ADD2: variants seen among roughly 807,000 people sequenced by gnomAD.
ADD2 encodes the protein beta-adducin.
Under a neutral mutation model 83.0 loss-of-function variants are expected in ADD2, and 23 were observed. The ratio of observed to expected loss-of-function variants is 0.28; its 90% CI spans 0.20 to 0.39. ADD2 has a LOEUF of 0.39. Ranked by LOEUF, ADD2 falls within the 10% of genes least tolerant of loss-of-function variation. The probability of loss-of-function intolerance (pLI) is 1.00; values close to 1 mark genes in which losing one functional copy is unlikely to be tolerated. For missense variants in ADD2, 758 were observed against 944.9 expected, an observed-to-expected ratio of 0.80 and a Z score of 2.59; for synonymous variants, 375 against 375.4, an observed-to-expected ratio of 1.00 and a Z score of 0.01.
chr2:70,668,372 G>T (rs1284999022), intron 15 of ADD2, among the ~76,000 whole-genome samples: 1 of 152,092 alleles, frequency 6.6e-6, no homozygotes, highest in Non-Finnish European at 1.5e-5. Context: ...CCTATCCAAG[G>T]TCTGGCTCAA....
rs1225213615 is a variant in ADD2 at position 70,768,025 on chromosome 2, C to T, written c.-293G>A. 3 of 1,500,574 alleles carry T rather than the reference C, an allele frequency of 2.0e-6. No individual in the cohort carries two copies. Among genetic ancestry groups the T allele is most frequent in the Admixed American group, 2.0e-5 (1 of 49,492 alleles). The allele number at this position is 1,500,574 out of a possible 1,614,324, so 93.0% of individuals were successfully genotyped here. A position where few individuals can be genotyped will look rare whatever the true frequency, so the allele number is the denominator to read the frequency against. Reference sequence around the variant, plus strand: ...AGCGTTTTCTGCCCATGCTGCAGCCCGCGCTCGTCAGAGCTGCTGGGAGAT... The same window carrying T: ...AGCGTTTTCTGCCCATGCTGCAGCCTGCGCTCGTCAGAGCTGCTGGGAGAT... On this transcript the variant is annotated 5_prime_UTR_variant, in exon 1 of 16. Coordinates refer to ENST00000264436, the MANE Select transcript of ADD2 (RefSeq NM_001617.4).
intron 1 of ADD2, among the ~76,000 whole-genome samples, chr2:70,728,579 CTG>C (rs1299878523): frequency 1.3e-5 from 2 of 152,202 alleles, no homozygotes; most frequent in Non-Finnish European, 2.9e-5. Context: ...GAAAAAGGTG[CTG>C]TGTGTGAAAA....
In ADD2 at chr2:70,729,508, T is replaced by C. The variant is rs3771429; in HGVS notation, c.-153-16324A>G. Among the ~76,000 whole-genome samples, 868 of 152,056 alleles carry C rather than the reference T, an allele frequency of 5.7e-3. 6 individuals are homozygous for C. Among genetic ancestry groups the C allele is most frequent in the African/African-American group, 0.02 (814 of 41,478 alleles). On this transcript the variant is annotated intron_variant, in intron 1 of 15. Transcript: ENST00000264436. ...CCTCTTCCCCACCCCTTCATTGAAC[T>C]TATGAAGAAACCAAGGCCAAGAGTG...
intron 1 of ADD2, among the ~76,000 whole-genome samples, chr2:70,722,003 G>A (rs1312536998): frequency 6.6e-6 from 1 of 151,888 alleles, no homozygotes; most frequent in Non-Finnish European, 1.5e-5. Flanking sequence ...GAGGAAGGAG[G>A]GAATGAAAAA....
At chr2:70,663,864 G>A (rs1307140999) in intron 15 of ADD2, 129 bp from the exon 16 acceptor site, 1 of 962,908 alleles carries the variant, frequency 1.0e-6, no homozygotes. Context: ...CCAGCCTGAT[G>A]TTGAGGGATG....
At chr2:70,669,784 T>G (rs1669826279) in intron 15 of ADD2, among the ~76,000 whole-genome samples, 1 of 152,166 alleles carries the variant, frequency 6.6e-6, no homozygotes, top group African/African-American at 2.4e-5. Context: ...CCACCATGTA[T>G]AAAGTCCAAC....
chr2:70,674,424 C>G (rs1220421770), intron 14 of ADD2, among the ~76,000 whole-genome samples: 1 of 152,154 alleles, frequency 6.6e-6, no homozygotes, highest in Non-Finnish European at 1.5e-5. Flanking sequence ...CTGGCCTAAG[C>G]CATATTTGTA....
In ADD2 at chr2:70,683,574, A is replaced by C; in HGVS notation, c.1125+17T>G. On this transcript the variant is annotated intron_variant, in intron 10 of 15. Coordinates refer to ENST00000264436, the MANE Select transcript of ADD2 (RefSeq NM_001617.4). ...CCTCAATGGACTGGCCTGGAAGGGCAATGGCAGGAGACTCACCAGGTTGTC... is the reference window on the plus strand; with the variant it reads ...CCTCAATGGACTGGCCTGGAAGGGCCATGGCAGGAGACTCACCAGGTTGTC... 1 of 1,602,756 alleles carries C rather than the reference A, an allele frequency of 6.2e-7. No homozygotes were observed. Among genetic ancestry groups the C allele is most frequent in the Non-Finnish European group, 8.5e-7 (1 of 1,171,132 alleles).
At chr2:70,742,884 G>A (rs1309614027) in intron 1 of ADD2, among the ~76,000 whole-genome samples, 1 of 152,118 alleles carries the variant, frequency 6.6e-6, no homozygotes, top group Non-Finnish European at 1.5e-5. Flanking sequence ...TTTAAGTTAT[G>A]TGATATTTAA....
Position 70,663,677 on chromosome 2 carries a change from C to A in ADD2, c.1929G>T (p.Gln643His). The stretch of plus-strand genomic sequence containing the variant: ...TCCCGTTGACCACCACCCCTTCCGG[C>A]TGGGTTGTTTCGGGCTCTGTGGTGG... ...KAATTEPETTQPEGVVVNGRE... is the reference protein window; with the variant it reads ...KAATTEPETTHPEGVVVNGRE... Residue 643 changes from glutamine (Q) to histidine (H), a missense_variant, in exon 16 of 16, where the codon CAG becomes CAT. Gln to His is a conservative substitution (Grantham distance 24, BLOSUM62 0). Around this residue, in one of 5 missense-constraint regions of ADD2, gnomAD observed 165 missense variants for 176.2 expected, o/e 0.94. Transcript: ENST00000264436. 1.2e-6 allele frequency: 2 copies of A among 1,614,146 alleles called. No individual in the cohort carries two copies. Among genetic ancestry groups the A allele is most frequent in the Non-Finnish European group, 8.5e-7 (1 of 1,180,038 alleles).
intron 7 of ADD2, among the ~76,000 whole-genome samples, chr2:70,691,998 G>A (rs1371687872): frequency 2.0e-5 from 3 of 152,274 alleles, no homozygotes; most frequent in Non-Finnish European, 2.9e-5. Flanking sequence ...TGCTTGCTCC[G>A]TCCCCTACTC....
intron 1 of ADD2, among the ~76,000 whole-genome samples, chr2:70,750,142 A>G (rs1553382702): frequency 6.6e-6 from 1 of 152,180 alleles, no homozygotes; most frequent in African/African-American, 2.4e-5. Flanking sequence ...CACTTATTTC[A>G]TGTTACATCT....
At chr2:70,711,262 A>G (rs1672162417) in intron 2 of ADD2, 4 of 152,188 alleles carry the variant, frequency 2.6e-5, no homozygotes, top group Admixed American at 2.6e-4. Context: ...TAAAATGCCC[A>G]AAAGACAGTA....
intron 1 of ADD2, among the ~76,000 whole-genome samples, chr2:70,727,783 C>G (rs575722903): frequency 6.6e-6 from 1 of 152,162 alleles, no homozygotes; most frequent in African/African-American, 2.4e-5. Context: ...GTAATCCCAG[C>G]TACTTGGGAG....
chr2:70,678,487 T>G (rs1553368853), intron 11 of ADD2, among the ~76,000 whole-genome samples: 1 of 152,146 alleles, frequency 6.6e-6, no homozygotes, highest in Non-Finnish European at 1.5e-5. Flanking sequence ...AGAAATCTGC[T>G]CCTTAGACCC....
At chr2:70,700,617 AAAG>A (rs1234950048) in intron 4 of ADD2, among the ~76,000 whole-genome samples, 1 of 152,134 alleles carries the variant, frequency 6.6e-6, no homozygotes, top group African/African-American at 2.4e-5. Context: ...CAGGAAGCAG[AAAG>A]AATAACAGGA....
intron 1 of ADD2, among the ~76,000 whole-genome samples, chr2:70,757,290 G>A (rs202039708): frequency 7.7e-3 from 5 of 650 alleles, no homozygotes; most frequent in Non-Finnish European, 0.026. Flanking sequence ...GGGATTTGTG[G>A]GGGGGGGGGA....
In ADD2 at chr2:70,706,395, G is replaced by C. The variant is rs782403508; in HGVS notation, c.14C>G (p.Thr5Arg). ...CGGCGGCGAGGCAGCCTCGGGGACC[G>C]TCTCTTCGCTCATTTTCCCGGTGGG... is the stretch of plus-strand genomic sequence containing the variant. MSEE[T>R]VPEAASPPPP... Residue 5 changes from threonine to arginine, a missense_variant, in exon 3 of 16, where the codon ACG becomes AGG. Physicochemically the swap from Thr to Arg is moderately conservative, Grantham distance 71 (BLOSUM62 -1). Around this residue, in one of 5 missense-constraint regions of ADD2, gnomAD observed 175 missense variants for 192.1 expected, o/e 0.91. Coordinates refer to ENST00000264436, the MANE Select transcript of ADD2 (RefSeq NM_001617.4). The surrounding 1 kb of genome is among the most constrained non-coding windows in gnomAD (Gnocchi z 5.0). 7.5e-6 allele frequency: 12 copies of C among 1,606,810 alleles called. No individual in the cohort carries two copies. The highest frequency in any genetic ancestry group is 9.3e-6 in the Non-Finnish European group (11 of 1,177,076).
chr2:70,715,746 G>T (rs1390166246), intron 1 of ADD2, among the ~76,000 whole-genome samples: 2 of 151,956 alleles, frequency 1.3e-5, no homozygotes, highest in African/African-American at 4.8e-5. Context: ...ACCACACACC[G>T]CAGCCTCCCC....
Sources: gnomAD v4.1 joint callset for allele counts (sites outside exome capture counted in the v4.1 genomes callset) on GRCh38, gnomAD v4.1.1 for gene constraint, gnomAD v4.1.1 regional missense constraint, Gnocchi (gnomAD v3.1) non-coding constraint, MANE v1.5 for transcripts, NCBI Gene and HGNC (gene_info 2026-07-23, HGNC 2026-07-21) for gene names.